C19orf44: variants seen among roughly 807,000 people sequenced by gnomAD.
The protein encoded by C19orf44 is uncharacterized protein C19orf44.
In C19orf44, 43 loss-of-function variants were observed where a neutral mutation model predicts 50.7. That is an observed-to-expected ratio of 0.85 (90% CI 0.66 to 1.09). C19orf44 has a LOEUF of 1.09. Ranked by LOEUF, C19orf44 falls within the 50% of genes least tolerant of loss-of-function variation. C19orf44 has a pLI of 0.00. For missense variants in C19orf44, 722 were observed against 836.2 expected (o/e 0.86, Z 1.68); for synonymous variants, 298 against 334.7 (o/e 0.89, Z 1.20).
In C19orf44 at chr19:16,501,287, A is replaced by G; in HGVS notation, c.495A>G (p.Ala165=). 2.5e-6 allele frequency: 4 copies of G among 1,614,182 alleles called. No individual in the cohort carries two copies. Among genetic ancestry groups the G allele is most frequent in the Non-Finnish European group, 2.5e-6 (3 of 1,180,046 alleles). The change falls in exon 2 of 9, where the codon GCA becomes GCG. Residue 165 remains alanine, a synonymous_variant. Coordinates refer to ENST00000221671, the MANE Select transcript of C19orf44 (RefSeq NM_032207.4). ...ARELPVTENN[A]QNAKVSRFLK... ...AACTTCCTGTCACCGAAAATAATGC[A>G]CAGAACGCGAAGGTCAGTAGGTTTC...
Position 16,517,293 on chromosome 19 carries a change from G to A in C19orf44, c.1966G>A (p.Glu656Lys). 1 of 1,614,100 alleles carries A rather than the reference G, an allele frequency of 6.2e-7. No homozygotes were observed. The highest frequency in any genetic ancestry group is 1.3e-5 in the African/African-American group (1 of 75,058). The change falls in exon 8 of 9, where the codon GAG becomes AAG. Residue 656 changes from glutamate to lysine, a missense_variant. Coordinates refer to ENST00000221671, the MANE Select transcript of C19orf44 (RefSeq NM_032207.4). ...MEDALEEVNKEL is the reference protein window; with the variant it reads ...MEDALEEVNKKL The stretch of plus-strand genomic sequence containing the variant: ...GGATGCCCTGGAGGAGGTGAACAAG[G>A]AGCTGTGAGCGCCAGCAGGTGGAGC...
chr19:16,516,856 A>G (rs2093473886), intron 7 of C19orf44, among the ~76,000 whole-genome samples: 1 of 152,202 alleles, frequency 6.6e-6, no homozygotes, highest in Non-Finnish European at 1.5e-5. Flanking sequence ...CTTTGAACTC[A>G]TGCCTCTGTT....
chr19:16,501,178 A>G lies in C19orf44; in HGVS notation c.386A>G (p.Lys129Arg). ...ATGACCGCCGATGCTGGTCTTCCAAAGAGAGCTGACAGAATCCTCTCTGGG... is the reference window on the plus strand; with the variant it reads ...ATGACCGCCGATGCTGGTCTTCCAAGGAGAGCTGACAGAATCCTCTCTGGG... ...DSMTADAGLP[K>R]RADRILSGGA... Residue 129 changes from lysine (K) to arginine (R), a missense_variant, in exon 2 of 9, where the codon AAG becomes AGG. By Grantham distance (26) the Lys-to-Arg change is conservative (BLOSUM62 2). Transcript: ENST00000221671. The G allele has an allele frequency of 6.2e-7, 1 of 1,614,182 alleles. No individual in the cohort carries two copies.
In C19orf44 at chr19:16,517,305, CCAG is replaced by C; in HGVS notation, c.*8_*10del. The C allele has an allele frequency of 6.2e-7, 1 of 1,613,892 alleles. No homozygotes were observed. Among genetic ancestry groups the C allele is most frequent in the Non-Finnish European group, 8.5e-7 (1 of 1,179,840 alleles). ...GGAGGTGAACAAGGAGCTGTGAGCG[CCAG>C]CAGGTGGAGCTTGACGTGACGTCTT... On this transcript the variant is annotated 3_prime_UTR_variant, in exon 8 of 9. Transcript: ENST00000221671.
chr19:16,514,637 T>C lies in C19orf44; in HGVS notation c.1876T>C (p.Tyr626His), dbSNP rs1485329354. ...CTCCCTGGACGCGGACTCCTTCCACTACCACACCCTGGAGGAAGCCAAAGA... is the reference window on the plus strand; with the variant it reads ...CTCCCTGGACGCGGACTCCTTCCACCACCACACCCTGGAGGAAGCCAAAGA... ...LRSLDADSFH[Y>H]HTLEEAKEYI... Residue 626 changes from tyrosine to histidine, a missense_variant, in exon 7 of 9, where the codon TAC (tyrosine) becomes CAC (histidine). Tyr to His is a moderately conservative substitution (Grantham distance 83). Coordinates refer to ENST00000221671, the MANE Select transcript of C19orf44 (RefSeq NM_032207.4). 2.5e-6 allele frequency: 4 copies of C among 1,583,668 alleles called. No individual in the cohort carries two copies. The highest frequency in any genetic ancestry group is 3.4e-6 in the Non-Finnish European group (4 of 1,165,938).
chr19:16,510,192 A>G lies in C19orf44; in HGVS notation c.1639+204A>G, dbSNP rs975739965. The stretch of plus-strand genomic sequence containing the variant: ...GAGGCCGAGGCGGGAGGATCACTTG[A>G]GGTCAGGAGTTCAAGACCAGTCTGG... On this transcript the variant is annotated intron_variant, in intron 5 of 8. Transcript: ENST00000221671. 17 of 654,436 alleles carry G rather than the reference A, an allele frequency of 2.6e-5. No individual in the cohort carries two copies. The African/African-American group carries it at 2.9e-4, about 11-fold the overall frequency. 40.5% of individuals were successfully genotyped at this position (654,436 alleles called of 1,614,324 possible). A position where few individuals can be genotyped will look rare whatever the true frequency, so the allele number is the denominator to read the frequency against.
At position 16,520,193 on chromosome 19, in the gene C19orf44, G is replaced by A. The variant is rs1436718118; in HGVS notation, c.*140G>A. 1.2e-6 allele frequency: 2 copies of A among 1,613,270 alleles called. No individual in the cohort carries two copies. The highest frequency in any genetic ancestry group is 1.7e-6 in the Non-Finnish European group (2 of 1,180,040). The stretch of plus-strand genomic sequence containing the variant: ...ACCGTGACCGGCGTCTTCTTCCTGG[G>A]GAGTACGACTTGGACCGGGACCGCG... On this transcript the variant is annotated 3_prime_UTR_variant, in exon 9 of 9. Transcript: ENST00000221671. The surrounding 1 kb of genome is among the most constrained non-coding windows in gnomAD (Gnocchi z 4.0).
intron 3 of C19orf44, among the ~76,000 whole-genome samples, chr19:16,506,218 GC>G (rs141380308): frequency 0.34 from 51,125 of 151,368 alleles, 9,461 homozygotes; most frequent in African/African-American, 0.49. Context: ...CTTGTGATCT[GC>G]CCGCCTCGGC....
chr19:16,497,798 C>T (rs1433034643), intron 1 of C19orf44, among the ~76,000 whole-genome samples: 1 of 152,098 alleles, frequency 6.6e-6, no homozygotes, highest in Non-Finnish European at 1.5e-5. Context: ...ACATTGTTTT[C>T]CGTTTTAGTC....
chr19:16,501,014 C>T lies in C19orf44; in HGVS notation c.222C>T (p.Pro74=). ...LKENPVLGSG[P]RLASCRPPTT... is the part of the protein sequence containing the mutation. Reference sequence around the variant, plus strand: ...AGAACCCTGTGCTCGGGAGTGGACCCAGGCTTGCCTCATGTAGACCGCCCA... The same window carrying T: ...AGAACCCTGTGCTCGGGAGTGGACCTAGGCTTGCCTCATGTAGACCGCCCA... The change falls in exon 2 of 9, where the codon CCC becomes CCT. Residue 74 remains proline (P), a synonymous_variant. Coordinates refer to ENST00000221671, the MANE Select transcript of C19orf44 (RefSeq NM_032207.4). The T allele has an allele frequency of 1.2e-6, 2 of 1,613,998 alleles. No homozygotes were observed. Among genetic ancestry groups the T allele is most frequent in the Non-Finnish European group, 1.7e-6 (2 of 1,179,960 alleles).
At chr19:16,514,894 C>T (rs1022275403) in intron 7 of C19orf44, among the ~76,000 whole-genome samples, 13 of 152,230 alleles carry the variant, frequency 8.5e-5, no homozygotes, top group African/African-American at 3.1e-4. Flanking sequence ...CAGCCAGCCC[C>T]GCCTGGGCTG....
chr19:16,516,820 C>T (rs1268881141), intron 7 of C19orf44, among the ~76,000 whole-genome samples: 5 of 152,252 alleles, frequency 3.3e-5, no homozygotes, highest in African/African-American at 9.6e-5. Context: ...ACAATGTCAA[C>T]TTTGCTCATT....
At position 16,519,151 on chromosome 19, in the gene C19orf44, A is replaced by C. The variant is rs753404597; in HGVS notation, c.*41-943A>C. 53 of 1,610,326 alleles carry C rather than the reference A, an allele frequency of 3.3e-5. No homozygotes were observed. The highest frequency in any genetic ancestry group is 4.4e-5 in the Non-Finnish European group (52 of 1,178,962). ...GCTGGCCACCGGCGCGGCTCCCGGC[A>C]TGGGCGCCTACTTACACTCGTCCCT... is the stretch of plus-strand genomic sequence containing the variant. On this transcript the variant is annotated intron_variant, in intron 8 of 8. Coordinates refer to ENST00000221671, the MANE Select transcript of C19orf44 (RefSeq NM_032207.4). The surrounding 1 kb of genome is among the most constrained non-coding windows in gnomAD (Gnocchi z 6.0).
intron 6 of C19orf44, among the ~76,000 whole-genome samples, chr19:16,514,283 G>C (rs1316564640): frequency 6.6e-6 from 1 of 151,934 alleles, no homozygotes; most frequent in Non-Finnish European, 1.5e-5. Context: ...TAGGATTACA[G>C]GTGTGAGCCA....
Position 16,501,181 on chromosome 19 carries a change from G to T in C19orf44, c.389G>T (p.Arg130Ile). 1 of 1,614,140 alleles carries T rather than the reference G, an allele frequency of 6.2e-7. No individual in the cohort carries two copies. Among genetic ancestry groups the T allele is most frequent in the South Asian group, 1.1e-5 (1 of 91,086 alleles). The part of the protein sequence containing the change: ...SMTADAGLPK[R>I]ADRILSGGAL... ...ACCGCCGATGCTGGTCTTCCAAAGA[G>T]AGCTGACAGAATCCTCTCTGGGGGT... The change falls in exon 2 of 9, where the codon AGA (arginine) becomes ATA (isoleucine). Residue 130 changes from arginine (R) to isoleucine (I), a missense_variant. Arg to Ile is a moderately conservative substitution (Grantham distance 97). Coordinates refer to ENST00000221671, the MANE Select transcript of C19orf44 (RefSeq NM_032207.4).
rs2093424243 is a variant in C19orf44 at position 16,501,168 on chromosome 19, G to A, written c.376G>A (p.Gly126Ser). 2 of 1,613,888 alleles carry A rather than the reference G, an allele frequency of 1.2e-6. No homozygotes were observed. Among genetic ancestry groups the A allele is most frequent in the Non-Finnish European group, 1.7e-6 (2 of 1,179,988 alleles). The change falls in exon 2 of 9, where the codon GGT (glycine) becomes AGT (serine). Residue 126 changes from glycine (G) to serine (S), a missense_variant. Coordinates refer to ENST00000221671, the MANE Select transcript of C19orf44 (RefSeq NM_032207.4). Reference sequence around the variant, plus strand: ...ATCTGACTCAATGACCGCCGATGCTGGTCTTCCAAAGAGAGCTGACAGAAT... The same window carrying A: ...ATCTGACTCAATGACCGCCGATGCTAGTCTTCCAAAGAGAGCTGACAGAAT... Reference protein sequence around the residue: ...TESDSMTADAGLPKRADRILS... With the variant: ...TESDSMTADASLPKRADRILS...
In C19orf44 at chr19:16,520,097, A is replaced by G. The variant is rs2085595107; in HGVS notation, c.*44A>G. 5 of 1,561,446 alleles carry G rather than the reference A, an allele frequency of 3.2e-6. No homozygotes were observed. Among genetic ancestry groups the G allele is most frequent in the Non-Finnish European group, 4.4e-6 (5 of 1,137,696 alleles). ...ACCAATGTTTCCACATTCACAGCAA[A>G]GCACCGCAGCTTCCCAGAGTTACCA... On this transcript the variant is annotated 3_prime_UTR_variant, in exon 9 of 9. Transcript: ENST00000221671. This position sits in a 1 kb window ranked among gnomAD's most constrained non-coding sequence, Gnocchi z 4.0.
At chr19:16,504,333 G>C (rs1342023477) in intron 3 of C19orf44, among the ~76,000 whole-genome samples, 1 of 152,118 alleles carries the variant, frequency 6.6e-6, no homozygotes, top group Non-Finnish European at 1.5e-5. Context: ...CCTTTGACTT[G>C]CTGTACTATT....
At chr19:16,512,903 A>C in intron 5 of C19orf44, 111 bp from the exon 6 acceptor site, 1 of 831,674 alleles carries the variant, frequency 1.2e-6, no homozygotes. Context: ...GATCACCTTC[A>C]GAAAGAGGGA....
Sources: allele counts gnomAD v4.1 joint callset (sites outside exome capture counted in the v4.1 genomes callset), GRCh38; gene constraint gnomAD v4.1.1; non-coding constraint Gnocchi (gnomAD v3.1); transcripts MANE v1.5; gene names NCBI Gene and HGNC (gene_info 2026-07-23, HGNC 2026-07-21).